The following EMID1 variants were observed in gnomAD, a reference collection of about 807,000 sequenced individuals.
The protein encoded by EMID1 is EMI domain-containing protein 1.
In EMID1, 40 loss-of-function variants were observed where a neutral mutation model predicts 60.6. The observed-to-expected ratio is 0.66, with a 90% CI of 0.51 to 0.86. The LOEUF (loss-of-function observed/expected upper bound fraction) is 0.86. Among genes scored for constraint, EMID1 ranks in the 40% least tolerant of loss-of-function variants. EMID1 has a pLI of 0.00. For synonymous variants in EMID1, 242 were observed against 231.0 expected, an observed-to-expected ratio of 1.05 and a Z score of -0.43; for missense variants, 585 against 597.1, an observed-to-expected ratio of 0.98 and a Z score of 0.21.
chr22:29,251,076 C>G (rs2041512098), intron 13 of EMID1, among the ~76,000 whole-genome samples: 1 of 151,490 alleles, frequency 6.6e-6, no homozygotes, highest in South Asian at 2.1e-4. Context: ...CACCACCACG[C>G]CTGGCTAATT....
At chr22:29,211,531 G>A (rs950569182) in intron 1 of EMID1, among the ~76,000 whole-genome samples, 1 of 151,442 alleles carries the variant, frequency 6.6e-6, no homozygotes, top group Non-Finnish European at 1.5e-5. Context: ...GTGTGGATCT[G>A]TGTGCATATG....
intron 13 of EMID1, among the ~76,000 whole-genome samples, chr22:29,252,376 T>TA (rs1321833550): frequency 6.6e-6 from 1 of 152,232 alleles, no homozygotes; most frequent in Admixed American, 6.5e-5. Context: ...GGCTTGTAAT[T>TA]ATACAATTAT....
chr22:29,216,238 C>A (rs2040078382), intron 3 of EMID1: 1 of 940,276 alleles, frequency 1.1e-6, no homozygotes, highest in Non-Finnish European at 1.3e-6. Flanking sequence ...GGGCTGAGCA[C>A]CCTGCAGGGG....
At chr22:29,258,414 C>T (rs2041782646) in intron 14 of EMID1, among the ~76,000 whole-genome samples, 1 of 152,192 alleles carries the variant, frequency 6.6e-6, no homozygotes, top group South Asian at 2.1e-4. Flanking sequence ...AACTGGTGGC[C>T]TAGCCCATGT....
chr22:29,216,959 C>G (rs16987275), intron 3 of EMID1, among the ~76,000 whole-genome samples: 2,014 of 152,328 alleles, frequency 0.013, 68 homozygotes, highest in African/African-American at 0.047. Context: ...GAAGGGGAGC[C>G]AGGAACAGCA....
chr22:29,248,648 A>G (rs2146417661), intron 13 of EMID1, among the ~76,000 whole-genome samples: 1 of 152,246 alleles, frequency 6.6e-6, no homozygotes, highest in East Asian at 1.9e-4. Context: ...GTTCCAGACT[A>G]ACCTAGGCAG....
At position 29,231,675 on chromosome 22, in the gene EMID1, C is replaced by A; in HGVS notation, c.669C>A (p.Gly223=). 1 of 1,465,682 alleles carries A rather than the reference C, an allele frequency of 6.8e-7. No homozygotes were observed. The highest frequency in any genetic ancestry group is 9.1e-7 in the Non-Finnish European group (1 of 1,104,312). The allele number at this position is 1,465,682 out of a possible 1,614,324, so 90.8% of individuals were successfully genotyped here. ...GTCGGGGCCCAATGGGGATGAGAGG[C>A]CCACCAGGTGAGTGCCCGCAATGCT... ...AGSRGPMGMR[G]PPGPQGPPGS... is the part of the protein sequence containing the mutation. Residue 223 remains glycine, a synonymous_variant, in exon 7 of 15, where the codon GGC becomes GGA. Coordinates refer to ENST00000334018, the MANE Select transcript of EMID1 (RefSeq NM_133455.4).
intron 6 of EMID1, 153 bp from the exon 7 acceptor site, chr22:29,231,440 C>T (rs558219571): frequency 2.3e-6 from 2 of 884,166 alleles, no homozygotes; most frequent in Admixed American, 2.0e-5. Context: ...TGACCTCTGC[C>T]TACCCCCCCC....
intron 3 of EMID1, among the ~76,000 whole-genome samples, chr22:29,217,555 C>T (rs894749678): frequency 3.9e-5 from 6 of 152,232 alleles, no homozygotes; most frequent in Non-Finnish European, 7.3e-5. Flanking sequence ...GGAAAGGCAC[C>T]ATCACTAAAA....
At chr22:29,249,226 T>C (rs747809147) in intron 13 of EMID1, among the ~76,000 whole-genome samples, 1 of 152,150 alleles carries the variant, frequency 6.6e-6, no homozygotes. Context: ...TGTCCCCAGA[T>C]GGCTTTTCTT....
intron 13 of EMID1, chr22:29,253,983 C>T (rs1293509453): frequency 1.0e-5 from 10 of 985,322 alleles, no homozygotes; most frequent in African/African-American, 3.5e-5. Flanking sequence ...TCCAACGGGA[C>T]CTTCTGGGAG....
At chr22:29,238,709 G>A (rs1015436757) in intron 12 of EMID1, among the ~76,000 whole-genome samples, 3 of 130,058 alleles carry the variant, frequency 2.3e-5, no homozygotes, top group East Asian at 4.9e-4. Context: ...GTGAGCCACC[G>A]TGCCCGGCCA....
intron 13 of EMID1, among the ~76,000 whole-genome samples, chr22:29,251,025 C>A (rs2041510529): frequency 6.6e-6 from 1 of 152,018 alleles, no homozygotes; most frequent in Non-Finnish European, 1.5e-5. Flanking sequence ...CCAAGCCACC[C>A]TCCCACCTCA....
In EMID1 at chr22:29,226,043, A is replaced by G. The variant is rs190472737; in HGVS notation, c.404-447A>G. ...CCCTGCCCAGGCAGGAAGCAACAGG[A>G]TCTTTCCAGAGAGGACAAGTCACGC... On this transcript the variant is annotated intron_variant, in intron 4 of 14. Coordinates refer to ENST00000334018, the MANE Select transcript of EMID1 (RefSeq NM_133455.4). Among the ~76,000 whole-genome samples, 13 of 151,554 alleles carry G rather than the reference A, an allele frequency of 8.6e-5. 1 individual carries two copies. Among genetic ancestry groups the G allele is most frequent in the Admixed American group, 7.9e-4 (12 of 15,264 alleles).
chr22:29,216,345 G>A, intron 3 of EMID1: 10 of 985,456 alleles, frequency 1.0e-5, no homozygotes, highest in Non-Finnish European at 1.2e-5. Flanking sequence ...CTGCTGAGCA[G>A]CCCAGGCCTC....
intron 13 of EMID1, among the ~76,000 whole-genome samples, chr22:29,248,771 G>T (rs1362359831): frequency 1.3e-5 from 2 of 152,110 alleles, no homozygotes; most frequent in African/African-American, 2.4e-5. Flanking sequence ...AGCCGGGGAA[G>T]TCGAGGCTGC....
At chr22:29,238,253 A>AAAT (rs911324588) in intron 12 of EMID1, among the ~76,000 whole-genome samples, 1 of 109,292 alleles carries the variant, frequency 9.1e-6, no homozygotes, top group East Asian at 2.5e-4. Flanking sequence ...GTTTTTCTAA[A>AAAT]AATTATTATT....
chr22:29,214,237 C>T (rs1020726089), intron 1 of EMID1, among the ~76,000 whole-genome samples: 5 of 152,114 alleles, frequency 3.3e-5, no homozygotes, highest in African/African-American at 4.8e-5. Flanking sequence ...CTTAATTCAG[C>T]GTGACAGGTG....
At chr22:29,243,388 CG>C in intron 12 of EMID1, 56 bp from the exon 13 acceptor site, 1 of 1,561,290 alleles carries the variant, frequency 6.4e-7, no homozygotes, top group Non-Finnish European at 8.8e-7. Flanking sequence ...CTTTTTTTCC[CG>C]TCCCTTTCTG....
Sources: gnomAD v4.1 joint callset for allele counts (sites outside exome capture counted in the v4.1 genomes callset) on GRCh38, gnomAD v4.1.1 for gene constraint, MANE v1.5 for transcripts, NCBI Gene and HGNC (gene_info 2026-07-23, HGNC 2026-07-21) for gene names.